PRP4K: variants seen among roughly 807,000 people sequenced by gnomAD.
PRP4K encodes pre-mRNA processing factor kinase PRP4K, also known as serine/threonine-protein kinase PRP4 homolog.
chr6:4,064,978 T>C, the PRP4K span: 1 of 152,370 alleles, frequency 6.6e-6, no homozygotes, highest in African/African-American at 2.4e-5. Flanking sequence ...ATGCCTCTTA[T>C]TATCATATTG....
the PRP4K span, chr6:4,060,305 T>G: frequency 1.1e-6 from 1 of 952,162 alleles, no homozygotes; most frequent in Non-Finnish European, 1.6e-6. This position sits in a 1 kb window ranked among gnomAD's most constrained non-coding sequence, Gnocchi z 4.7. Flanking sequence ...ATATTTTGTA[T>G]GTATATGCAT....
the PRP4K span, among the ~76,000 whole-genome samples, chr6:4,027,594 GAGGGGT>G: frequency 1.4e-3 from 98 of 69,164 alleles, 1 homozygote; most frequent in South Asian, 2.5e-3. Flanking sequence ...TTATTTGGCG[GAGGGGT>G]GGGGGGGTGG....
chr6:4,058,877 G>A, the PRP4K span: 89 of 1,271,394 alleles, frequency 7.0e-5, no homozygotes, highest in East Asian at 8.3e-4. Context: ...TAAATCATAC[G>A]AGCTGGTGAA....
the PRP4K span, chr6:4,060,361 G>A: frequency 6.7e-7 from 1 of 1,501,262 alleles, no homozygotes; most frequent in Non-Finnish European, 9.1e-7. The surrounding 1 kb of genome is among the most constrained non-coding windows in gnomAD (Gnocchi z 4.7). Context: ...GATTTAAGTT[G>A]TATATGCTTA....
At chr6:4,049,978 G>A in the PRP4K span, 1 of 1,276,944 alleles carries the variant, frequency 7.8e-7, no homozygotes, top group Non-Finnish European at 1.1e-6. Context: ...GATAGAATGT[G>A]TAAAACAAGT....
chr6:4,047,462 T>G, the PRP4K span, among the ~76,000 whole-genome samples: 34 of 152,332 alleles, frequency 2.2e-4, 1 homozygote, highest in African/African-American at 7.7e-4. Context: ...ATTTGAGAGC[T>G]TTATAAAAGT....
chr6:4,036,985 C>CAAAAA, the PRP4K span, among the ~76,000 whole-genome samples: 2 of 113,936 alleles, frequency 1.8e-5, no homozygotes, highest in African/African-American at 3.4e-5. Context: ...GACCCTGTCT[C>CAAAAA]AAAAAAAAAA....
chr6:4,045,375 A>C, the PRP4K span, among the ~76,000 whole-genome samples: 1 of 152,330 alleles, frequency 6.6e-6, no homozygotes, highest in African/African-American at 2.4e-5. Context: ...CAAGATGCAC[A>C]GGTTTATCTT....
the PRP4K span, chr6:4,040,983 G>C: frequency 1.3e-6 from 2 of 1,498,578 alleles, no homozygotes; most frequent in Non-Finnish European, 1.8e-6. Context: ...AGTCTTATTT[G>C]ACTTGGAAAT....
At chr6:4,032,614 G>A in the PRP4K span, 1 of 1,614,054 alleles carries the variant, frequency 6.2e-7, no homozygotes. Flanking sequence ...TCAAGAAGAA[G>A]CAGGTCTCCA....
At chr6:4,054,631 C>G in the PRP4K span, among the ~76,000 whole-genome samples, 10 of 152,130 alleles carry the variant, frequency 6.6e-5, no homozygotes, top group Non-Finnish European at 8.8e-5. Context: ...CTCAGCCTCC[C>G]GAGTAACTGG....
At chr6:4,046,762 A>G in the PRP4K span, among the ~76,000 whole-genome samples, 15 of 151,922 alleles carry the variant, frequency 9.9e-5, no homozygotes, top group African/African-American at 3.4e-4. Flanking sequence ...GGTTCAAGCA[A>G]TTCTCCTTTC....
chr6:4,021,383 C>T, the PRP4K span: 93 of 1,558,798 alleles, frequency 6.0e-5, no homozygotes, highest in Middle Eastern at 1.7e-4. Context: ...CTCCACCGTC[C>T]GGGAGCCGCC....
At chr6:4,027,637 T>C in the PRP4K span, among the ~76,000 whole-genome samples, 1 of 147,732 alleles carries the variant, frequency 6.8e-6, no homozygotes, top group Non-Finnish European at 1.5e-5. Context: ...TGCTAGGCAC[T>C]GTCATAAGCA....
the PRP4K span, chr6:4,049,680 C>T: frequency 6.5e-7 from 1 of 1,530,826 alleles, no homozygotes; most frequent in Non-Finnish European, 9.0e-7. Context: ...TTCCTACTTT[C>T]TGATTCTATT....
chr6:4,030,775 A>T, the PRP4K span, among the ~76,000 whole-genome samples: 251 of 152,312 alleles, frequency 1.6e-3, 7 homozygotes, highest in East Asian at 0.044. Context: ...AATTACTGAT[A>T]TTAGACTTGT....
chr6:4,054,959 G>A, the PRP4K span, among the ~76,000 whole-genome samples: 8 of 152,294 alleles, frequency 5.3e-5, no homozygotes, highest in Non-Finnish European at 1.2e-4. Flanking sequence ...AAAACCTAAT[G>A]CTAAACTAGT....
At chr6:4,037,320 C>T in the PRP4K span, 19 of 1,323,040 alleles carry the variant, frequency 1.4e-5, no homozygotes, top group Non-Finnish European at 1.9e-5. Context: ...CCTTTTCTTA[C>T]AGATGTTCTT....
At chr6:4,059,221 A>G in the PRP4K span, among the ~76,000 whole-genome samples, 2 of 152,114 alleles carry the variant, frequency 1.3e-5, no homozygotes, top group Non-Finnish European at 2.9e-5. Flanking sequence ...GACAAATCCA[A>G]CTGCTTTCTT....
Sources: gnomAD v4.1 joint callset for allele counts (sites outside exome capture counted in the v4.1 genomes callset) on GRCh38, gnomAD v4.1.1 for gene constraint, Gnocchi (gnomAD v3.1) non-coding constraint, MANE v1.5 for transcripts, NCBI Gene and HGNC (gene_info 2026-07-23, HGNC 2026-07-21) for gene names.